The following MGAT4C variants were observed in gnomAD, a reference collection of about 807,000 sequenced individuals.
The protein encoded by MGAT4C is alpha-1,3-mannosyl-glycoprotein 4-beta-N-acetylglucosaminyltransferase C.
MGAT4C carries 19 observed loss-of-function variants against 40.1 expected under a neutral mutation model. That is an observed-to-expected ratio of 0.47 (90% CI 0.33 to 0.70). MGAT4C has a LOEUF of 0.70. MGAT4C is among the 30% of genes least tolerant of loss of function. The probability of loss-of-function intolerance (pLI) is 0.02; values close to 1 mark genes in which losing one functional copy is unlikely to be tolerated. For synonymous variants in MGAT4C, 181 were observed against 187.1 expected, an observed-to-expected ratio of 0.97 and a Z score of 0.27; for missense variants, 491 against 563.2, an observed-to-expected ratio of 0.87 and a Z score of 1.30.
chr12:86,167,860 C>T (rs1450289400), intron 1 of MGAT4C, among the ~76,000 whole-genome samples: 1 of 152,260 alleles, frequency 6.6e-6, no homozygotes, highest in East Asian at 1.9e-4. Context: ...TTAAGACTAT[C>T]TTCTTAAAAG....
intron 2 of MGAT4C, among the ~76,000 whole-genome samples, chr12:86,464,348 G>C (rs138730531): frequency 6.6e-6 from 1 of 152,240 alleles, no homozygotes; most frequent in East Asian, 1.9e-4. Context: ...AAGTAAAAAG[G>C]AGTAAGCAGT....
At chr12:86,472,907 T>A (rs1957776241) in intron 2 of MGAT4C, among the ~76,000 whole-genome samples, 1 of 152,112 alleles carries the variant, frequency 6.6e-6, no homozygotes. Context: ...GGAAGAGAAA[T>A]AAAATGAGAA....
At chr12:86,758,159 C>A (rs894927250) in intron 1 of MGAT4C, among the ~76,000 whole-genome samples, 1 of 152,080 alleles carries the variant, frequency 6.6e-6, no homozygotes, top group Admixed American at 6.6e-5. Context: ...CAACAAACTG[C>A]ATTTCAATTA....
At chr12:86,403,010 G>A (rs980037151) in intron 3 of MGAT4C, among the ~76,000 whole-genome samples, 1 of 152,112 alleles carries the variant, frequency 6.6e-6, no homozygotes, top group Non-Finnish European at 1.5e-5. Flanking sequence ...TTATGACAAA[G>A]CTGAAGCTCT....
intron 1 of MGAT4C, among the ~76,000 whole-genome samples, chr12:86,098,528 T>C (rs1874353229): frequency 6.6e-6 from 1 of 151,626 alleles, no homozygotes; most frequent in African/African-American, 2.4e-5. Flanking sequence ...GTTTCCACAG[T>C]GTGTGAATGG....
intron 1 of MGAT4C, among the ~76,000 whole-genome samples, chr12:86,091,599 A>G (rs957912923): frequency 4.6e-5 from 7 of 152,132 alleles, no homozygotes; most frequent in African/African-American, 1.7e-4. Context: ...GCAAATAATA[A>G]ACAGCAAACT....
intron 2 of MGAT4C, among the ~76,000 whole-genome samples, chr12:86,476,181 AAT>A (rs1176496513): frequency 6.6e-6 from 1 of 152,140 alleles, no homozygotes; most frequent in Non-Finnish European, 1.5e-5. Context: ...TAGATTCACA[AAT>A]TATGCATCTG....
chr12:85,988,522 C>T (rs1276592029), intron 3 of MGAT4C, among the ~76,000 whole-genome samples: 2 of 151,722 alleles, frequency 1.3e-5, no homozygotes. Context: ...GTTTTGATTT[C>T]TGAAATATAT....
chr12:86,238,885 A>G (rs190263237), intron 1 of MGAT4C, among the ~76,000 whole-genome samples: 1 of 152,106 alleles, frequency 6.6e-6, no homozygotes, highest in African/African-American at 2.4e-5. Context: ...AGTAGACCTC[A>G]TGGGTTTTTT....
chr12:86,723,556 C>T (rs753412968), intron 2 of MGAT4C, among the ~76,000 whole-genome samples: 71 of 152,214 alleles, frequency 4.7e-4, no homozygotes, highest in Non-Finnish European at 6.6e-4. Context: ...AGTAAGTCTG[C>T]ATATCTGAAT....
At chr12:86,560,558 T>C (rs1027648172) in intron 2 of MGAT4C, among the ~76,000 whole-genome samples, 1 of 152,132 alleles carries the variant, frequency 6.6e-6, no homozygotes, top group African/African-American at 2.4e-5. Flanking sequence ...TCTCAATAGA[T>C]GTAGACAAAA....
intron 1 of MGAT4C, among the ~76,000 whole-genome samples, chr12:86,052,314 C>T (rs1228770870): frequency 6.6e-6 from 1 of 151,158 alleles, no homozygotes; most frequent in Non-Finnish European, 1.5e-5. Flanking sequence ...AGATAGTAAT[C>T]TAAAAATTAT....
chr12:86,376,694 G>A (rs1378834118), intron 3 of MGAT4C, among the ~76,000 whole-genome samples: 1 of 151,500 alleles, frequency 6.6e-6, no homozygotes, highest in Non-Finnish European at 1.5e-5. Flanking sequence ...AACTCAATAG[G>A]AAAAATATAA....
chr12:86,729,393 T>G (rs1021555678), intron 1 of MGAT4C, among the ~76,000 whole-genome samples: 5 of 151,928 alleles, frequency 3.3e-5, no homozygotes, highest in African/African-American at 1.2e-4. Context: ...AAAAAGGAAA[T>G]AAACTTTTAT....
intron 2 of MGAT4C, among the ~76,000 whole-genome samples, chr12:86,013,995 C>T (rs1019708361): frequency 6.6e-6 from 1 of 152,156 alleles, no homozygotes. Flanking sequence ...TTTCTGCTGA[C>T]CAATAAAACA....
At chr12:86,790,961 T>C (rs1353996925) in intron 1 of MGAT4C, among the ~76,000 whole-genome samples, 1 of 152,148 alleles carries the variant, frequency 6.6e-6, no homozygotes, top group Non-Finnish European at 1.5e-5. Flanking sequence ...TCCCATTGTG[T>C]AGGCAACAGC....
intron 2 of MGAT4C, among the ~76,000 whole-genome samples, chr12:86,666,684 T>C (rs1211430233): frequency 6.6e-6 from 1 of 152,208 alleles, no homozygotes; most frequent in Non-Finnish European, 1.5e-5. Flanking sequence ...AACATAGCTT[T>C]GTGCTTTAAG....
chr12:86,186,513 A>G lies in MGAT4C; in HGVS notation c.-57+69726T>C, dbSNP rs73383697. On this transcript the variant is annotated intron_variant, in intron 1 of 4. Transcript: ENST00000611864. ...ACTAATTGAAGAACCAAGCATGCCA[A>G]TTTACCAAGCTGCAAAACAAATTGC... Among the ~76,000 whole-genome samples, 504 of 152,270 alleles carry G rather than the reference A, an allele frequency of 3.3e-3. 2 individuals are homozygous for G. The highest frequency in any genetic ancestry group is 0.012 in the African/African-American group (491 of 41,560).
chr12:86,424,626 A>C (rs1471841769), intron 3 of MGAT4C, among the ~76,000 whole-genome samples: 2 of 152,218 alleles, frequency 1.3e-5, no homozygotes, highest in Non-Finnish European at 2.9e-5. Context: ...ATGGCTGGGC[A>C]GCATGAATAG....
Sources: allele counts gnomAD v4.1 joint callset (sites outside exome capture counted in the v4.1 genomes callset), GRCh38; gene constraint gnomAD v4.1.1; transcripts MANE v1.5; gene names NCBI Gene and HGNC (gene_info 2026-07-23, HGNC 2026-07-21).